The following TTLL11 variants were observed in gnomAD, a reference collection of about 807,000 sequenced individuals.
The protein encoded by TTLL11 is tubulin polyglutamylase TTLL11.
In TTLL11, 42 loss-of-function variants were observed where a neutral mutation model predicts 51.7. The ratio of observed to expected loss-of-function variants is 0.81; its 90% confidence interval spans 0.64 to 1.05. TTLL11 has a LOEUF of 1.05. Ranked by LOEUF, TTLL11 falls within the 50% of genes least tolerant of loss-of-function variation. The pLI is 0.00. For synonymous variants in TTLL11, 381 were observed against 383.5 expected, an observed-to-expected ratio of 0.99 and a Z score of 0.08; for missense variants, 799 against 940.4, an observed-to-expected ratio of 0.85 and a Z score of 1.97.
At chr9:121,828,193 G>C (rs1372294978) in intron 8 of TTLL11, among the ~76,000 whole-genome samples, 1 of 138,916 alleles carries the variant, frequency 7.2e-6, no homozygotes, top group Non-Finnish European at 1.5e-5. Context: ...TTTTTTTTGA[G>C]ATGGAGTTTC....
intron 6 of TTLL11, among the ~76,000 whole-genome samples, chr9:121,899,402 T>TATATATATATATATAC (rs1465376759): frequency 3.4e-4 from 28 of 82,778 alleles, no homozygotes; most frequent in Admixed American, 1.4e-3. Context: ...TATATATATA[T>TATATATATATATATAC]ACACACACAC....
chr9:121,952,676 G>C (rs1841888409), intron 6 of TTLL11, among the ~76,000 whole-genome samples: 1 of 152,048 alleles, frequency 6.6e-6, no homozygotes, highest in Non-Finnish European at 1.5e-5. Flanking sequence ...TGTTTGATTG[G>C]TGAATTTGGA....
intron 6 of TTLL11, among the ~76,000 whole-genome samples, chr9:121,966,161 G>T (rs1186826509): frequency 6.6e-6 from 1 of 152,190 alleles, no homozygotes; most frequent in Non-Finnish European, 1.5e-5. Context: ...AAACCTGGTT[G>T]TTAGGGTGAT....
At chr9:121,983,997 T>A (rs1016341613) in intron 4 of TTLL11, among the ~76,000 whole-genome samples, 3 of 152,016 alleles carry the variant, frequency 2.0e-5, no homozygotes, top group Non-Finnish European at 2.9e-5. Flanking sequence ...TTAGAAGGCG[T>A]TGAAGTTCAA....
intron 2 of TTLL11, among the ~76,000 whole-genome samples, chr9:122,036,116 G>A (rs935044585): frequency 8.5e-5 from 13 of 152,096 alleles, no homozygotes; most frequent in African/African-American, 2.9e-4. Context: ...CCCTTGCTCC[G>A]GACCCCCACA....
At chr9:121,999,236 A>G (rs1361717977) in intron 3 of TTLL11, among the ~76,000 whole-genome samples, 1 of 152,170 alleles carries the variant, frequency 6.6e-6, no homozygotes, top group Non-Finnish European at 1.5e-5. Flanking sequence ...GGTGATGCCA[A>G]CCACTTCCTG....
At chr9:121,942,307 C>T (rs1459005405) in intron 6 of TTLL11, among the ~76,000 whole-genome samples, 2 of 152,214 alleles carry the variant, frequency 1.3e-5, no homozygotes, top group Non-Finnish European at 2.9e-5. Flanking sequence ...GGTCTCAATT[C>T]CAATGTCACC....
intron 7 of TTLL11, among the ~76,000 whole-genome samples, chr9:121,867,749 C>T (rs1838222444): frequency 6.6e-6 from 1 of 152,104 alleles, no homozygotes; most frequent in Non-Finnish European, 1.5e-5. Context: ...ACTTGGAGCA[C>T]TCTGAATGCC....
intron 8 of TTLL11, among the ~76,000 whole-genome samples, chr9:121,835,431 A>C (rs915358667): frequency 6.6e-6 from 1 of 152,256 alleles, no homozygotes; most frequent in East Asian, 1.9e-4. Context: ...TGGAAATCTC[A>C]AGGAAAAAAG....
intron 6 of TTLL11, among the ~76,000 whole-genome samples, chr9:121,950,903 T>C (rs1422328613): frequency 6.6e-6 from 1 of 152,128 alleles, no homozygotes; most frequent in Non-Finnish European, 1.5e-5. Flanking sequence ...CGGTAAAAAT[T>C]AAACCCGAAA....
chr9:121,935,114 C>T (rs1433698035), intron 6 of TTLL11, among the ~76,000 whole-genome samples: 1 of 142,640 alleles, frequency 7.0e-6, no homozygotes, highest in Non-Finnish European at 1.5e-5. Context: ...ACCACCATGC[C>T]CGGCTATTTT....
At position 121,995,671 on chromosome 9, in the gene TTLL11, C is replaced by T. The variant is rs184276055; in HGVS notation, c.694-5901G>A. Among the ~76,000 whole-genome samples the T allele has an allele frequency of 3.1e-3, 472 of 152,264 alleles. 1 individual carries two copies. Among genetic ancestry groups the T allele is most frequent in the Non-Finnish European group, 4.7e-3 (321 of 68,016 alleles). On this transcript the variant is annotated intron_variant, in intron 3 of 8. Transcript: ENST00000321582. The surrounding 1 kb of genome is among the most constrained non-coding windows in gnomAD (Gnocchi z 4.4). ...CACTTCATCTAATGAGTATTATTTGCACGACTCCAGACAGAGCTAATTTAG... is the reference window on the plus strand; with the variant it reads ...CACTTCATCTAATGAGTATTATTTGTACGACTCCAGACAGAGCTAATTTAG...
chr9:121,835,543 T>C (rs1837159160), intron 8 of TTLL11, among the ~76,000 whole-genome samples: 1 of 152,222 alleles, frequency 6.6e-6, no homozygotes, highest in Non-Finnish European at 1.5e-5. Context: ...ACTATCACCT[T>C]TGTCCTTGGC....
chr9:121,900,692 G>A (rs1839742737), intron 6 of TTLL11, among the ~76,000 whole-genome samples: 1 of 151,956 alleles, frequency 6.6e-6, no homozygotes, highest in African/African-American at 2.4e-5. Context: ...TTATTTGTTT[G>A]TGCTAAATTC....
rs1285578748 is a variant in TTLL11 at position 121,890,983 on chromosome 9, T to C, written c.1482-20235A>G. 1.3e-5 allele frequency among the ~76,000 whole-genome samples: 2 copies of C among 152,222 alleles called. No individual in the cohort carries two copies. The highest frequency in any genetic ancestry group is 2.4e-5 in the African/African-American group (1 of 41,474). On this transcript the variant is annotated intron_variant, in intron 6 of 8. Transcript: ENST00000321582. The surrounding 1 kb of genome is among the most constrained non-coding windows in gnomAD (Gnocchi z 4.3). ...TCTGATAGACAAAGACCCTAAGCCT[T>C]TGCATGAAACTGGCCTCTGCCTGGA...
chr9:121,852,145 C>T (rs556496105), intron 8 of TTLL11, among the ~76,000 whole-genome samples: 9 of 152,196 alleles, frequency 5.9e-5, no homozygotes, highest in Non-Finnish European at 8.8e-5. Flanking sequence ...CGGTAGAGCT[C>T]ACTGGGAGTG....
chr9:121,951,997 A>G (rs144503210), intron 6 of TTLL11, among the ~76,000 whole-genome samples: 94 of 152,228 alleles, frequency 6.2e-4, no homozygotes, highest in East Asian at 3.9e-4. Context: ...TCTTGTCGCC[A>G]TCTTGGTTTT....
At chr9:121,829,816 A>AC (rs1266611430) in intron 8 of TTLL11, among the ~76,000 whole-genome samples, 2 of 148,220 alleles carry the variant, frequency 1.3e-5, no homozygotes, top group African/African-American at 5.0e-5. Context: ...CACACACACC[A>AC]CACACACACA....
intron 6 of TTLL11, among the ~76,000 whole-genome samples, chr9:121,931,511 G>A (rs968076378): frequency 6.7e-5 from 10 of 150,246 alleles, no homozygotes; most frequent in Non-Finnish European, 1.5e-4. Flanking sequence ...GGGAAGCCAA[G>A]GCAGGTGGAT....
Sources: allele counts gnomAD v4.1 joint callset (sites outside exome capture counted in the v4.1 genomes callset), GRCh38; gene constraint gnomAD v4.1.1; non-coding constraint Gnocchi (gnomAD v3.1); transcripts MANE v1.5; gene names NCBI Gene and HGNC (gene_info 2026-07-23, HGNC 2026-07-21).